The following C12orf60 variants were observed in gnomAD, a reference collection of about 807,000 sequenced individuals.
The protein encoded by C12orf60 is uncharacterized protein C12orf60.
For synonymous variants in C12orf60, 102 were observed against 94.6 expected (o/e 1.08, Z -0.45); for missense variants, 284 against 283.2 (o/e 1.00, Z -0.02).
intron 1 of C12orf60, among the ~76,000 whole-genome samples, chr12:14,810,912 AGTT>A (rs1337256335): frequency 6.6e-6 from 1 of 152,202 alleles, no homozygotes. Context: ...TAAAGATCGT[AGTT>A]GTTACTCAGG....
At chr12:14,809,351 G>C (rs1315158193) in intron 1 of C12orf60, among the ~76,000 whole-genome samples, 2 of 152,070 alleles carry the variant, frequency 1.3e-5, no homozygotes, top group East Asian at 1.9e-4. Context: ...AGACTGAACA[G>C]GTGAGCCTTA....
intron 1 of C12orf60, among the ~76,000 whole-genome samples, chr12:14,808,502 T>C (rs1262934755): frequency 6.6e-6 from 1 of 152,232 alleles, no homozygotes; most frequent in Non-Finnish European, 1.5e-5. Flanking sequence ...GTATGTCTTC[T>C]AGCACTACGG....
At chr12:14,806,188 C>G in intron 1 of C12orf60, 5 of 1,614,100 alleles carry the variant, frequency 3.1e-6, no homozygotes, top group Non-Finnish European at 4.2e-6. Flanking sequence ...AGAACAGCAA[C>G]TCCAATACTA....
At chr12:14,818,767 G>A (rs781615738) in intron 1 of C12orf60, among the ~76,000 whole-genome samples, 5 of 152,158 alleles carry the variant, frequency 3.3e-5, no homozygotes, top group Non-Finnish European at 5.9e-5. Flanking sequence ...TGGTGACAGA[G>A]CAAGACTCTG....
Position 14,823,001 on chromosome 12 carries a change from T to A in C12orf60, c.66T>A (p.His22Gln). The A allele has an allele frequency of 6.2e-7, 1 of 1,610,508 alleles. No individual in the cohort carries two copies. Among genetic ancestry groups the A allele is most frequent in the Non-Finnish European group, 8.5e-7 (1 of 1,177,014 alleles). The change falls in exon 2 of 2, where the codon CAT becomes CAA. Residue 22 changes from histidine to glutamine, a missense_variant. By Grantham distance (24) the His-to-Gln change is conservative. Coordinates refer to ENST00000330828, the MANE Select transcript of C12orf60 (RefSeq NM_175874.4). ...LIQAAKMFFF[H>Q]VQDLASVINT... is the part of the protein sequence containing the mutation. ...AAGCTGCCAAAATGTTCTTCTTTCA[T>A]GTACAAGATCTTGCTTCTGTCATAA...
chr12:14,823,536 A>G lies in C12orf60; in HGVS notation c.601A>G (p.Lys201Glu). The change falls in exon 2 of 2, where the codon AAA becomes GAA. Residue 201 changes from lysine to glutamate, a missense_variant. By Grantham distance (56) the Lys-to-Glu change is moderately conservative. Transcript: ENST00000330828. ...LQDVLKTEDS[K>E]NPTKSAADLL... is the part of the protein sequence containing the mutation. ...GGATGTACTAAAAACTGAGGATTCCAAAAATCCCACAAAGTCAGCAGCAGA... is the reference window on the plus strand; with the variant it reads ...GGATGTACTAAAAACTGAGGATTCCGAAAATCCCACAAAGTCAGCAGCAGA... The G allele has an allele frequency of 6.2e-7, 1 of 1,613,828 alleles. No homozygotes were observed. The highest frequency in any genetic ancestry group is 8.5e-7 in the Non-Finnish European group (1 of 1,179,886).
chr12:14,813,583 G>A (rs1950173446), intron 1 of C12orf60, among the ~76,000 whole-genome samples: 1 of 152,148 alleles, frequency 6.6e-6, no homozygotes, highest in Non-Finnish European at 1.5e-5. Flanking sequence ...GTCCCTTGAG[G>A]CATTTGAAAA....
intron 1 of C12orf60, among the ~76,000 whole-genome samples, chr12:14,811,234 T>C (rs1248106133): frequency 6.6e-6 from 1 of 152,234 alleles, no homozygotes; most frequent in Non-Finnish European, 1.5e-5. Flanking sequence ...TTTCTTGTAG[T>C]TATCCATGAA....
At chr12:14,812,458 T>A (rs71532846) in intron 1 of C12orf60, among the ~76,000 whole-genome samples, 4,506 of 151,452 alleles carry the variant, frequency 0.03, 74 homozygotes, top group Middle Eastern at 0.083. Context: ...AAAAAAAAAA[T>A]TTTATTGGTT....
Position 14,806,581 on chromosome 12 carries a change from C to T in C12orf60, c.-25+2830C>T, listed in dbSNP as rs769794820. ...ACCTCAGTCAGCTTATTGGTGACAT[C>T]GAAGCTGTCAGATAAGCAATCAAGA... On this transcript the variant is annotated intron_variant, in intron 1 of 1. Transcript: ENST00000330828. 1.1e-5 allele frequency: 17 copies of T among 1,613,970 alleles called. No homozygotes were observed. Among genetic ancestry groups the T allele is most frequent in the East Asian group, 8.9e-5 (4 of 44,874 alleles).
chr12:14,815,209 A>G (rs963477647), intron 1 of C12orf60, among the ~76,000 whole-genome samples: 1 of 152,226 alleles, frequency 6.6e-6, no homozygotes, highest in South Asian at 2.1e-4. Flanking sequence ...CTGTGATTCT[A>G]AAGAAGGGCT....
rs773233135 is a variant in C12orf60 at position 14,823,074 on chromosome 12, T to C, written c.139T>C (p.Leu47=). Residue 47 remains leucine, a synonymous_variant, in exon 2 of 2, where the codon TTG becomes CTG. Coordinates refer to ENST00000330828, the MANE Select transcript of C12orf60 (RefSeq NM_175874.4). ...FSRSMNTQIL[L]MAVKNNSYIK... is the part of the protein sequence containing the mutation. ...CCGCAGTATGAATACTCAAATCCTTTTGATGGCTGTGAAAAACAATAGTTA... is the reference window on the plus strand; with the variant it reads ...CCGCAGTATGAATACTCAAATCCTTCTGATGGCTGTGAAAAACAATAGTTA... 7.4e-6 allele frequency: 12 copies of C among 1,614,062 alleles called. No individual in the cohort carries two copies. Among genetic ancestry groups the C allele is most frequent in the African/African-American group, 2.7e-5 (2 of 74,936 alleles).
At chr12:14,822,343 C>T (rs1264248163) in intron 1 of C12orf60, among the ~76,000 whole-genome samples, 1 of 151,730 alleles carries the variant, frequency 6.6e-6, no homozygotes, top group Non-Finnish European at 1.5e-5. Flanking sequence ...ACAACAACAA[C>T]AAACACAGAA....
Position 14,823,025 on chromosome 12 carries a change from A to G in C12orf60, c.90A>G (p.Ile30Met). The G allele has an allele frequency of 6.2e-7, 1 of 1,613,870 alleles. No homozygotes were observed. Among genetic ancestry groups the G allele is most frequent in the South Asian group, 1.1e-5 (1 of 91,084 alleles). The change falls in exon 2 of 2, where the codon ATA becomes ATG. Residue 30 changes from isoleucine to methionine, a missense_variant. By Grantham distance (10) the Ile-to-Met change is conservative. Coordinates refer to ENST00000330828, the MANE Select transcript of C12orf60 (RefSeq NM_175874.4). ...FFHVQDLASV[I>M]NTLTELFSRS... ...ATGTACAAGATCTTGCTTCTGTCAT[A>G]AACACACTGACTGAATTGTTTAGCC...
At chr12:14,815,228 T>A (rs1164910178) in intron 1 of C12orf60, among the ~76,000 whole-genome samples, 1 of 152,086 alleles carries the variant, frequency 6.6e-6, no homozygotes, top group Non-Finnish European at 1.5e-5. Flanking sequence ...CTAAGTGGGG[T>A]CACTTTTCTA....
Position 14,823,864 on chromosome 12 carries a change from T to A in C12orf60, c.*191T>A. The A allele has an allele frequency of 2.3e-6, 1 of 443,062 alleles. No individual in the cohort carries two copies. The highest frequency in any genetic ancestry group is 4.0e-5 in the Admixed American group (1 of 25,184). 27.4% of individuals were successfully genotyped at this position (443,062 alleles called of 1,614,324 possible). On this transcript the variant is annotated 3_prime_UTR_variant, in exon 2 of 2. Transcript: ENST00000330828. ...AAAAAGAAATAATTAAGAAAGCCTG[T>A]TTGAAATGTCAGTCACTAAGAAGAA...
At chr12:14,805,971 A>T in intron 1 of C12orf60, 2 of 1,559,190 alleles carry the variant, frequency 1.3e-6, no homozygotes, top group Non-Finnish European at 8.7e-7. Context: ...AAGGAAGCAG[A>T]AAAACACTTC....
chr12:14,817,939 T>C (rs1490197480), intron 1 of C12orf60, among the ~76,000 whole-genome samples: 2 of 152,206 alleles, frequency 1.3e-5, no homozygotes, highest in Non-Finnish European at 2.9e-5. Flanking sequence ...TAATTTACAT[T>C]CCCACTAACA....
intron 1 of C12orf60, among the ~76,000 whole-genome samples, chr12:14,819,027 G>A (rs897745794): frequency 2.0e-5 from 3 of 151,884 alleles, no homozygotes; most frequent in Admixed American, 1.3e-4. Flanking sequence ...AAGAATCTTG[G>A]TGGCATTTTT....
Sources: allele counts gnomAD v4.1 joint callset (sites outside exome capture counted in the v4.1 genomes callset), GRCh38; gene constraint gnomAD v4.1.1; transcripts MANE v1.5; gene names NCBI Gene and HGNC (gene_info 2026-07-23, HGNC 2026-07-21).